PHF19: variants seen among roughly 807,000 people sequenced by gnomAD.
The protein encoded by PHF19 is polycomb like 3.
Under a neutral mutation model 79.8 loss-of-function variants are expected in PHF19, and 21 were observed. That is an observed-to-expected ratio of 0.26 (90% CI 0.19 to 0.38). The LOEUF is 0.38. Ranked by LOEUF, PHF19 falls within the 10% of genes least tolerant of loss-of-function variation. PHF19 has a pLI of 1.00. For synonymous variants in PHF19, 273 were observed against 296.3 expected (o/e 0.92, Z 0.81); for missense variants, 445 against 744.2 (o/e 0.60, Z 4.68).
chr9:120,862,703 G>A lies in PHF19; in HGVS notation c.1015C>T (p.Leu339=), dbSNP rs768263543. 6.2e-7 allele frequency: 1 copy of A among 1,614,196 alleles called. No homozygotes were observed. Among genetic ancestry groups the A allele is most frequent in the South Asian group, 1.1e-5 (1 of 91,092 alleles). Residue 339 remains leucine, a synonymous_variant, in exon 11 of 15, where the codon CTG becomes TTG. Coordinates refer to ENST00000373896, the MANE Select transcript of PHF19 (RefSeq NM_015651.3). The surrounding 1 kb of genome is among the most constrained non-coding windows in gnomAD (Gnocchi z 4.6). The part of the protein sequence containing the change: ...EIKKKKCIFR[L]RIRVPPNPPG... ...GGGTTGGGTGGGACGCGGATGCGCA[G>A]GCGGAAGATGCACTTCTTCTTCTTG... is the stretch of plus-strand genomic sequence containing the variant.
chr9:120,877,437 G>T, upstream of PHF19: 18 of 714,334 alleles, frequency 2.5e-5, no homozygotes, highest in Non-Finnish European at 2.9e-5. Context: ...GCCAGCCCCC[G>T]CCCGCCCCCG....
At chr9:120,877,491 C>A (rs998018242), upstream of PHF19, among the ~76,000 whole-genome samples, 13 of 150,874 alleles carry the variant, frequency 8.6e-5, no homozygotes, top group African/African-American at 2.9e-4. Context: ...TAGCCAGGAC[C>A]CGGGCCCCCC....
At position 120,877,118 on chromosome 9, in the gene PHF19, C is replaced by G. The variant is rs2046086322; in HGVS notation, c.-43G>C. 1.0e-6 allele frequency: 1 copy of G among 985,120 alleles called. No homozygotes were observed. The allele number at this position is 985,120 out of a possible 1,614,324, so 61.0% of individuals were successfully genotyped here. Reference sequence around the variant, plus strand: ...CGAGGCTGCGTGTCCGCCGGTCCCACTTGGAGTCTGGCCACCAGGCGCATC... The same window carrying G: ...CGAGGCTGCGTGTCCGCCGGTCCCAGTTGGAGTCTGGCCACCAGGCGCATC... On this transcript the variant is annotated 5_prime_UTR_variant, in exon 1 of 15. Transcript: ENST00000373896.
chr9:120,864,224 G>C (rs1404868392), intron 9 of PHF19, 108 bp from the exon 10 acceptor site: 4 of 879,544 alleles, frequency 4.5e-6, no homozygotes, highest in Non-Finnish European at 7.5e-6. Context: ...GAGTCCTTCA[G>C]GTGAGGACCA....
chr9:120,868,763 C>T (rs1588108882), intron 6 of PHF19: 36 of 912,220 alleles, frequency 3.9e-5, no homozygotes, highest in Non-Finnish European at 4.7e-5. Flanking sequence ...CTATTCCCTC[C>T]TCCCCACCCC....
chr9:120,868,138 C>G lies in PHF19; in HGVS notation c.614+1044G>C, dbSNP rs191704699. The G allele has an allele frequency of 8.5e-5, 13 of 152,222 alleles. No individual in the cohort carries two copies. The East Asian group carries it at 2.5e-3, about 30-fold the overall frequency. 9.4% of individuals were successfully genotyped at this position (152,222 alleles called of 1,614,324 possible). A position where few individuals can be genotyped will look rare whatever the true frequency, so the allele number is the denominator to read the frequency against. On this transcript the variant is annotated intron_variant, in intron 6 of 14. Coordinates refer to ENST00000373896, the MANE Select transcript of PHF19 (RefSeq NM_015651.3). ...CCAGGCTGGAGTACAGTGGCATGAT[C>G]ACAGCTCACTGCAGCCTCCATCTCC...
upstream of PHF19, among the ~76,000 whole-genome samples, chr9:120,878,674 T>A (rs1203146878): frequency 1.3e-5 from 2 of 152,046 alleles, no homozygotes; most frequent in Non-Finnish European, 2.9e-5. Context: ...TGCCCCTTGA[T>A]CCCCCTGCTC....
At chr9:120,890,991 C>T (rs1323935013) in intron 1 of PHF19, among the ~76,000 whole-genome samples, 1 of 152,198 alleles carries the variant, frequency 6.6e-6, no homozygotes, top group African/African-American at 2.4e-5. Flanking sequence ...ACCTTCACCC[C>T]TCTCCCCGGA....
At chr9:120,885,068 A>G (rs907121239) in intron 1 of PHF19, among the ~76,000 whole-genome samples, 1 of 152,100 alleles carries the variant, frequency 6.6e-6, no homozygotes, top group East Asian at 1.9e-4. Flanking sequence ...AATAAAAATA[A>G]ATTAGCTGGG....
In PHF19 at chr9:120,862,553, C is replaced by T. The variant is rs535112533; in HGVS notation, c.1130+35G>A. 2.3e-5 allele frequency: 37 copies of T among 1,597,722 alleles called. No individual in the cohort carries two copies. Among genetic ancestry groups the T allele is most frequent in the African/African-American group, 6.7e-5 (5 of 74,416 alleles). ...TTGGAAGCAGAGAAACCGAGTTTGG[C>T]GGCAGCCCTGGCCCCTGGGTCCCCG... On this transcript the variant is annotated intron_variant, in intron 11 of 14. Transcript: ENST00000373896. This position sits in a 1 kb window ranked among gnomAD's most constrained non-coding sequence, Gnocchi z 4.6.
intron 14 of PHF19, among the ~76,000 whole-genome samples, chr9:120,858,492 T>G (rs2045412485): frequency 6.6e-6 from 1 of 152,058 alleles, no homozygotes; most frequent in African/African-American, 2.4e-5. Context: ...ATAGATTATC[T>G]CACCAGATCC....
Position 120,869,890 on chromosome 9 carries a change from G to A in PHF19, c.420C>T (p.Leu140=), listed in dbSNP as rs764481052. 3 of 1,607,028 alleles carry A rather than the reference G, an allele frequency of 1.9e-6. No homozygotes were observed. Among genetic ancestry groups the A allele is most frequent in the Non-Finnish European group, 2.5e-6 (3 of 1,176,944 alleles). Residue 140 remains leucine (L), a synonymous_variant, in exon 5 of 15, where the codon CTC becomes CTT. Transcript: ENST00000373896. The surrounding 1 kb of genome is among the most constrained non-coding windows in gnomAD (Gnocchi z 5.8). The part of the protein sequence containing the change: ...PIAGSADQPL[L]TPWFCRRCIF... ...TGCAGCGTCGGCAGAACCAAGGTGT[G>A]AGCAGGGGCTGGTCAGCACTGCCCG...
intron 3 of PHF19, among the ~76,000 whole-genome samples, chr9:120,872,589 C>T (rs548478759): frequency 1.4e-4 from 22 of 152,262 alleles, no homozygotes; most frequent in Non-Finnish European, 2.8e-4. Context: ...GGGGGCAATT[C>T]GAAAGCTTTA....
chr9:120,869,676 C>T lies in PHF19; in HGVS notation c.465+169G>A, dbSNP rs1588111481. The stretch of plus-strand genomic sequence containing the variant: ...CACTTTACAGTTGAGGAAACTGAGG[C>T]TCAGGGAGTCTACAAATCCTGGCCA... On this transcript the variant is annotated intron_variant, in intron 5 of 14. Coordinates refer to ENST00000373896, the MANE Select transcript of PHF19 (RefSeq NM_015651.3). This position sits in a 1 kb window ranked among gnomAD's most constrained non-coding sequence, Gnocchi z 5.8. The T allele has an allele frequency of 6.5e-7, 1 of 1,550,266 alleles. No individual in the cohort carries two copies. Among genetic ancestry groups the T allele is most frequent in the Non-Finnish European group, 8.7e-7 (1 of 1,145,850 alleles).
upstream of PHF19, among the ~76,000 whole-genome samples, chr9:120,895,265 G>C (rs2046391504): frequency 6.6e-6 from 1 of 152,094 alleles, no homozygotes; most frequent in African/African-American, 2.4e-5. Context: ...TGGAATCCCA[G>C]AGTTACTAAG....
chr9:120,870,681 T>A lies in PHF19; in HGVS notation c.269-143A>T, dbSNP rs542749197. The stretch of plus-strand genomic sequence containing the variant: ...CCTCACTGAATCTCCCCAACCACTC[T>A]GAGATGCCTATCATCATTACCATTC... On this transcript the variant is annotated intron_variant, in intron 3 of 14. Transcript: ENST00000373896. This position sits in a 1 kb window ranked among gnomAD's most constrained non-coding sequence, Gnocchi z 4.4. The A allele has an allele frequency of 3.9e-4, 238 of 612,016 alleles. No homozygotes were observed. In the African/African-American group the frequency reaches 3.9e-3, roughly 10 times the overall value. The allele number at this position is 612,016 out of a possible 1,614,324, so 37.9% of individuals were successfully genotyped here.
chr9:120,879,509 G>A (rs1174111342), upstream of PHF19, among the ~76,000 whole-genome samples: 1 of 152,190 alleles, frequency 6.6e-6, no homozygotes, highest in East Asian at 1.9e-4. Flanking sequence ...GTTGAAAAGA[G>A]GGTAATAATA....
At position 120,870,388 on chromosome 9, in the gene PHF19, G is replaced by A; in HGVS notation, c.364+55C>T. The A allele has an allele frequency of 9.1e-7, 1 of 1,097,042 alleles. No individual in the cohort carries two copies. 68.0% of individuals were successfully genotyped at this position (1,097,042 alleles called of 1,614,324 possible). ...CTGCAGCAGTACCCGTCAGGGGCCA[G>A]TGCGTGGGGACCTATAGGTCGGGGC... On this transcript the variant is annotated intron_variant, in intron 4 of 14. Coordinates refer to ENST00000373896, the MANE Select transcript of PHF19 (RefSeq NM_015651.3). This position sits in a 1 kb window ranked among gnomAD's most constrained non-coding sequence, Gnocchi z 4.4.
intron 6 of PHF19, chr9:120,868,480 T>A (rs533059941): frequency 6.6e-6 from 1 of 152,508 alleles, no homozygotes; most frequent in East Asian, 1.9e-4. Context: ...GCACAGCTGG[T>A]AAGGAGCAGA....
Sources: allele counts gnomAD v4.1 joint callset (sites outside exome capture counted in the v4.1 genomes callset), GRCh38; gene constraint gnomAD v4.1.1; non-coding constraint Gnocchi (gnomAD v3.1); transcripts MANE v1.5; gene names NCBI Gene and HGNC (gene_info 2026-07-23, HGNC 2026-07-21).